Variants in CNBD1 observed in about 807,000 individuals in gnomAD.
CNBD1 encodes cyclic nucleotide-binding domain-containing protein 1.
A neutral mutation model predicts 54.4 loss-of-function variants in CNBD1; 71 were observed. That is an observed-to-expected ratio of 1.30 (90% CI 1.08 to 1.59). The LOEUF is 1.59. CNBD1 is among the 40% of genes most tolerant of loss of function. The pLI is 0.00. For synonymous variants in CNBD1, 182 were observed against 170.7 expected (o/e 1.07, Z -0.51); for missense variants, 659 against 518.0 (o/e 1.27, Z -2.64).
chr8:86,920,086 A>G (rs1445395658), intron 3 of CNBD1, among the ~76,000 whole-genome samples: 1 of 152,188 alleles, frequency 6.6e-6, no homozygotes, highest in Non-Finnish European at 1.5e-5. Flanking sequence ...CACATTTTAA[A>G]GCATTAATTC....
At chr8:87,075,901 T>G (rs1316649285) in intron 4 of CNBD1, among the ~76,000 whole-genome samples, 5 of 152,196 alleles carry the variant, frequency 3.3e-5, no homozygotes, top group African/African-American at 1.2e-4. Context: ...TTGGGAAATA[T>G]TATTATCTTT....
intron 1 of CNBD1, among the ~76,000 whole-genome samples, chr8:86,879,820 C>T (rs766254577): frequency 5.3e-5 from 8 of 151,486 alleles, no homozygotes; most frequent in Non-Finnish European, 7.4e-5. Flanking sequence ...TGCAGTGAGC[C>T]GAGATTGTGC....
At chr8:86,891,681 G>A (rs1335404157) in intron 2 of CNBD1, among the ~76,000 whole-genome samples, 1 of 151,986 alleles carries the variant, frequency 6.6e-6, no homozygotes, top group African/African-American at 2.4e-5. Flanking sequence ...TTGGTAGTAT[G>A]GACATTTTAA....
At chr8:86,963,062 C>T (rs897984834) in intron 4 of CNBD1, among the ~76,000 whole-genome samples, 2 of 152,078 alleles carry the variant, frequency 1.3e-5, no homozygotes, top group Non-Finnish European at 2.9e-5. Flanking sequence ...TCCCTTTGTT[C>T]CTCTCTCTTC....
intron 2 of CNBD1, among the ~76,000 whole-genome samples, chr8:87,413,223 G>A (rs974907980): frequency 6.6e-5 from 10 of 152,132 alleles, no homozygotes; most frequent in Admixed American, 4.6e-4. Context: ...ACAAAAGGAA[G>A]GCAGTATTGT....
intron 3 of CNBD1, among the ~76,000 whole-genome samples, chr8:86,910,522 C>T (rs1003406379): frequency 6.6e-6 from 1 of 152,130 alleles, no homozygotes; most frequent in African/African-American, 2.4e-5. Context: ...AAGAAGATAG[C>T]CACTGTAAAC....
At chr8:87,227,757 C>T (rs942638357) in intron 5 of CNBD1, among the ~76,000 whole-genome samples, 1 of 149,584 alleles carries the variant, frequency 6.7e-6, no homozygotes, top group African/African-American at 2.5e-5. Context: ...TTGTGGCGTT[C>T]TCTGTATTTC....
At position 87,328,617 on chromosome 8, in the gene CNBD1, A is replaced by G. The variant is rs547881814; in HGVS notation, c.1043-23068A>G. ...TTTGTGATTCCATATCAATTTTAGG[A>G]TTATTTTGTCTGTTTATCTATAAAA... On this transcript the variant is annotated intron_variant, in intron 8 of 10. Coordinates refer to ENST00000518476, the MANE Select transcript of CNBD1 (RefSeq NM_173538.3). Among the ~76,000 whole-genome samples the G allele has an allele frequency of 2.0e-5, 3 of 151,778 alleles. No individual in the cohort carries two copies. The South Asian group carries it at 6.2e-4, about 31-fold the overall frequency.
intron 1 of CNBD1, among the ~76,000 whole-genome samples, chr8:86,875,011 T>TATATATAC (rs1448148419): frequency 1.4e-5 from 2 of 144,522 alleles, no homozygotes; most frequent in African/African-American, 2.6e-5. Flanking sequence ...TATATATATA[T>TATATATAC]ATATATATAT....
At chr8:86,866,715 T>C (rs1039374670) in intron 1 of CNBD1, 132 bp downstream of exon 1, 45 of 681,582 alleles carry the variant, frequency 6.6e-5, no homozygotes, top group Non-Finnish European at 1.0e-4. Context: ...TGCTGAAGAA[T>C]GGAAAGAACA....
chr8:87,164,029 C>T (rs1812911496), intron 4 of CNBD1, among the ~76,000 whole-genome samples: 1 of 151,772 alleles, frequency 6.6e-6, no homozygotes, highest in Admixed American at 6.6e-5. Flanking sequence ...TTGTAAAACG[C>T]TTTTTCAGCA....
chr8:87,002,144 C>G (rs1397345178), intron 4 of CNBD1, among the ~76,000 whole-genome samples: 1 of 152,132 alleles, frequency 6.6e-6, no homozygotes, highest in Non-Finnish European at 1.5e-5. Flanking sequence ...TATATCTAAT[C>G]TAATAGGAAT....
intron 4 of CNBD1, among the ~76,000 whole-genome samples, chr8:87,008,767 A>G (rs1809154612): frequency 1.3e-5 from 2 of 152,308 alleles, no homozygotes; most frequent in South Asian, 4.1e-4. Context: ...TTGAGGAATC[A>G]CTATTTCTTT....
chr8:86,985,054 A>G (rs1050199862), intron 4 of CNBD1, among the ~76,000 whole-genome samples: 5 of 152,124 alleles, frequency 3.3e-5, no homozygotes, highest in African/African-American at 9.7e-5. Context: ...TAATTGAATC[A>G]TGGGGGCAGG....
At chr8:87,002,917 TA>T (rs942992914) in intron 4 of CNBD1, among the ~76,000 whole-genome samples, 3 of 152,140 alleles carry the variant, frequency 2.0e-5, no homozygotes, top group Non-Finnish European at 2.9e-5. Flanking sequence ...ATTATGTTTG[TA>T]AAAAAATATT....
intron 4 of CNBD1, among the ~76,000 whole-genome samples, chr8:86,979,718 A>G (rs1160978472): frequency 6.6e-6 from 1 of 152,208 alleles, no homozygotes; most frequent in Admixed American, 6.5e-5. Flanking sequence ...TTTAGAAATA[A>G]TATGTCCCCA....
At chr8:86,976,008 G>C (rs1014815969) in intron 4 of CNBD1, among the ~76,000 whole-genome samples, 2 of 151,452 alleles carry the variant, frequency 1.3e-5, no homozygotes, top group Non-Finnish European at 3.0e-5. Flanking sequence ...TTTCATACCT[G>C]TTGACCACGC....
chr8:86,874,797 T>C (rs1808490438), intron 1 of CNBD1, among the ~76,000 whole-genome samples: 1 of 151,610 alleles, frequency 6.6e-6, no homozygotes, highest in Non-Finnish European at 1.5e-5. Flanking sequence ...TTTCAAGCTC[T>C]TTTCATACTT....
chr8:87,043,189 G>A (rs1586218061), intron 4 of CNBD1, among the ~76,000 whole-genome samples: 1 of 152,164 alleles, frequency 6.6e-6, no homozygotes, highest in East Asian at 1.9e-4. Flanking sequence ...AATGGAATGA[G>A]GTGGTTGTAC....
Sources: gnomAD v4.1 joint callset for allele counts (sites outside exome capture counted in the v4.1 genomes callset) on GRCh38, gnomAD v4.1.1 for gene constraint, MANE v1.5 for transcripts, NCBI Gene and HGNC (gene_info 2026-07-23, HGNC 2026-07-21) for gene names.